PHLPP2: variants seen among roughly 807,000 people sequenced by gnomAD.
PHLPP2 encodes PH domain leucine-rich repeat-containing protein phosphatase 2.
Under a neutral mutation model 124.9 loss-of-function variants are expected in PHLPP2, and 66 were observed. The ratio of observed to expected loss-of-function variants is 0.53; its 90% CI spans 0.43 to 0.65. The LOEUF (loss-of-function observed/expected upper bound fraction) is 0.65. Ranked by LOEUF, PHLPP2 falls within the 30% of genes least tolerant of loss-of-function variation. The pLI is 0.00. For missense variants in PHLPP2, 1,685 were observed against 1,600.4 expected (o/e 1.05, Z -0.90); for synonymous variants, 681 against 624.7 (o/e 1.09, Z -1.34).
intron 1 of PHLPP2, among the ~76,000 whole-genome samples, chr16:71,718,673 C>G (rs75197080): frequency 0.11 from 16,592 of 151,488 alleles, 1,340 homozygotes; most frequent in South Asian, 0.39. Context: ...CAAGACCAGC[C>G]TGGGCAACAT....
intron 10 of PHLPP2, among the ~76,000 whole-genome samples, chr16:71,670,665 T>C (rs565248537): frequency 2.3e-5 from 2 of 88,720 alleles, no homozygotes; most frequent in East Asian, 4.2e-4. Context: ...AGACAAAGTA[T>C]GTGTACAGAC....
chr16:71,702,777 A>G, intron 2 of PHLPP2, 46 bp from the exon 3 acceptor site: 1 of 1,360,188 alleles, frequency 7.4e-7, no homozygotes, highest in South Asian at 1.4e-5. Flanking sequence ...TAAGTAATAA[A>G]AATGGTTCAT....
In PHLPP2 at chr16:71,652,796, G is replaced by A. The variant is rs369218637; in HGVS notation, c.2811C>T (p.Ile937=). Residue 937 remains isoleucine (I), a synonymous_variant, in exon 18 of 19, where the codon ATC becomes ATT. Transcript: ENST00000568954. ...GGCGGGGAGCGGAACACACCTCTGTGATGATGGCTTTTTGGTCCTTCACCC... is the reference window on the plus strand; with the variant it reads ...GGCGGGGAGCGGAACACACCTCTGTAATGATGGCTTTTTGGTCCTTCACCC... ...AQRVKDQKAI[I]TEDNKVNGVT... The A allele has an allele frequency of 2.1e-5, 34 of 1,612,298 alleles. No individual in the cohort carries two copies. The highest frequency in any genetic ancestry group is 2.9e-5 in the Non-Finnish European group (34 of 1,178,446).
At chr16:71,698,375 TCAACTTGGCCCTA>T (rs1597011485) in intron 3 of PHLPP2, among the ~76,000 whole-genome samples, 1 of 152,256 alleles carries the variant, frequency 6.6e-6, no homozygotes, top group East Asian at 1.9e-4. Flanking sequence ...CCAGGGAACT[TCAACTTGGCCCTA>T]CATAGGGCCT....
At chr16:71,675,333 A>C (rs1001441444) in intron 9 of PHLPP2, among the ~76,000 whole-genome samples, 1 of 152,190 alleles carries the variant, frequency 6.6e-6, no homozygotes, top group African/African-American at 2.4e-5. Context: ...TTCCTTCCTT[A>C]AACACATATC....
intron 6 of PHLPP2, among the ~76,000 whole-genome samples, chr16:71,680,778 G>C (rs2044989818): frequency 6.6e-6 from 1 of 152,062 alleles, no homozygotes; most frequent in South Asian, 2.1e-4. Context: ...TATTCCTTTG[G>C]CTTGGTGCTT....
Position 71,667,327 on chromosome 16 carries a change from C to T in PHLPP2, c.1635G>A (p.Leu545=), listed in dbSNP as rs2044848255. Residue 545 remains leucine, a synonymous_variant, in exon 12 of 19, where the codon CTG becomes CTA. Transcript: ENST00000568954. ...TCAGTTTTCTAAGACTCAAGCTACT[C>T]AGAATTCTAAGGGGGGAGCATACAA... ...NLLTEVPVRI[L]SSLSLRKLML... is the part of the protein sequence containing the mutation. 1 of 1,611,804 alleles carries T rather than the reference C, an allele frequency of 6.2e-7. No individual in the cohort carries two copies. The highest frequency in any genetic ancestry group is 1.7e-5 in the Admixed American group (1 of 59,736).
chr16:71,705,889 A>G (rs752642516), intron 2 of PHLPP2, among the ~76,000 whole-genome samples: 6 of 152,248 alleles, frequency 3.9e-5, no homozygotes, highest in Admixed American at 2.6e-4. Context: ...TACAAAAACA[A>G]GTAAAATGAA....
chr16:71,715,528 A>C (rs1011875501), intron 1 of PHLPP2: 2 of 146,510 alleles, frequency 1.4e-5, no homozygotes, highest in African/African-American at 2.6e-5. Flanking sequence ...AATACAAAAA[A>C]ATTAGCCAGC....
chr16:71,703,177 C>T (rs1208321611), intron 2 of PHLPP2, among the ~76,000 whole-genome samples: 2 of 152,092 alleles, frequency 1.3e-5, no homozygotes, highest in Non-Finnish European at 2.9e-5. Context: ...GATTTTTATT[C>T]CTAGGTCAAG....
chr16:71,685,281 C>T (rs372539538), intron 4 of PHLPP2, among the ~76,000 whole-genome samples: 3 of 152,162 alleles, frequency 2.0e-5, no homozygotes, highest in South Asian at 2.1e-4. Context: ...AAGCTAAGAT[C>T]GCGTCACTGC....
chr16:71,682,820 TG>T (rs1185355623), intron 5 of PHLPP2, among the ~76,000 whole-genome samples: 3 of 152,114 alleles, frequency 2.0e-5, no homozygotes, highest in African/African-American at 7.2e-5. Context: ...TATAATAGTA[TG>T]CTAATATAAT....
At chr16:71,657,286 C>T (rs2044750151) in intron 15 of PHLPP2, among the ~76,000 whole-genome samples, 1 of 152,006 alleles carries the variant, frequency 6.6e-6, no homozygotes, top group Non-Finnish European at 1.5e-5. Flanking sequence ...TCATGTTGAC[C>T]AGGCTGGTCT....
rs753038969 is a variant in PHLPP2, at chr16:71,669,334, T to C, written c.1569A>G (p.Glu523=). The change falls in exon 11 of 19, where the codon GAA becomes GAG. Residue 523 remains glutamate (E), a synonymous_variant. Coordinates refer to ENST00000568954, the MANE Select transcript of PHLPP2 (RefSeq NM_015020.3). ...CATCTAATACTTCTATCTTCTTTGC[T>C]TCACAGGCCCAGTCAGGGACACACT... is the stretch of plus-strand genomic sequence containing the variant. The part of the protein sequence containing the change: ...LLECVPDWAC[E]AKKIEVLDVS... 6.2e-7 allele frequency: 1 copy of C among 1,612,672 alleles called. No individual in the cohort carries two copies. The highest frequency in any genetic ancestry group is 8.5e-7 in the Non-Finnish European group (1 of 1,179,770).
At chr16:71,724,025 T>A (rs2045417732) in intron 1 of PHLPP2, 3 of 186,066 alleles carry the variant, frequency 1.6e-5, no homozygotes, top group Admixed American at 6.5e-5. Context: ...CCGCTGGACC[T>A]AAGCAGCTGC....
At chr16:71,656,808 TG>T (rs537961065) in intron 15 of PHLPP2, 127 bp from the exon 16 acceptor site, 7 of 576,264 alleles carry the variant, frequency 1.2e-5, no homozygotes, top group South Asian at 9.7e-5. Context: ...TGGAGTGCAG[TG>T]GTGTGACCTC....
At chr16:71,712,352 G>A (rs542333119) in intron 2 of PHLPP2, among the ~76,000 whole-genome samples, 1 of 152,234 alleles carries the variant, frequency 6.6e-6, no homozygotes, top group African/African-American at 2.4e-5. Context: ...AAGGCTACAG[G>A]GCACATAAGT....
chr16:71,704,104 C>T (rs1322193799), intron 2 of PHLPP2, among the ~76,000 whole-genome samples: 6 of 151,924 alleles, frequency 3.9e-5, no homozygotes, highest in African/African-American at 1.5e-4. Flanking sequence ...GGGCGGATCA[C>T]GAGGTCAGGA....
chr16:71,702,884 G>A (rs1172226906), intron 2 of PHLPP2, among the ~76,000 whole-genome samples, 153 bp from the exon 3 acceptor site: 1 of 152,092 alleles, frequency 6.6e-6, no homozygotes. Context: ...TGGGCTTTTA[G>A]TGTAATCCTC....
Sources: allele counts gnomAD v4.1 joint callset (sites outside exome capture counted in the v4.1 genomes callset), GRCh38; gene constraint gnomAD v4.1.1; transcripts MANE v1.5; gene names NCBI Gene and HGNC (gene_info 2026-07-23, HGNC 2026-07-21).